The following GRK1 variants were observed in gnomAD, a reference collection of about 807,000 sequenced individuals.
GRK1 encodes the protein G protein-coupled receptor kinase 1, also known as rhodopsin kinase GRK1.
Under a neutral mutation model 41.7 loss-of-function variants are expected in GRK1, and 28 were observed. The observed-to-expected ratio is 0.67, with a 90% CI of 0.50 to 0.92. GRK1 has a LOEUF of 0.92. Ranked by LOEUF, GRK1 falls within the 40% of genes least tolerant of loss-of-function variation. The pLI is 0.00. For missense variants in GRK1, 703 were observed against 671.2 expected, an observed-to-expected ratio of 1.05 and a Z score of -0.52; for synonymous variants, 327 against 286.7, an observed-to-expected ratio of 1.14 and a Z score of -1.42.
At chr13:113,653,120 C>G in the GRK1 span, 1 of 1,572,162 alleles carries the variant, frequency 6.4e-7, no homozygotes, top group Non-Finnish European at 8.6e-7. Flanking sequence ...GGCCCTGACG[C>G]CTGGCTGCCC....
chr13:113,669,685 AG>A lies in GRK1; in HGVS notation c.701del. 1 of 1,613,874 alleles carries A rather than the reference AG, an allele frequency of 6.2e-7. No individual in the cohort carries two copies. The highest frequency in any genetic ancestry group is 8.5e-7 in the Non-Finnish European group (1 of 1,179,782). On this transcript the variant is annotated splice_acceptor_variant, in intron 1 of 6. Coordinates refer to ENST00000335678, the MANE Select transcript of GRK1 (RefSeq NM_002929.3). LOFTEE classifies it high-confidence loss of function. ...GTGCGTACTCAGCGTCTCACTTTTC[AG>A]GGTGCTATGGTGGAGAAGAAGATTC...
chr13:113,669,657 C>A (rs749684109), intron 1 of GRK1, 30 bp from the exon 2 acceptor site: 1 of 1,613,400 alleles, frequency 6.2e-7, no homozygotes, highest in Non-Finnish European at 8.5e-7. Flanking sequence ...CTATTCAAAG[C>A]CAGTGCGTAC....
rs536510107 is a variant in GRK1 at position 113,735,587 on chromosome 13, C to T, written c.*224C>T. On this transcript the variant is annotated 3_prime_UTR_variant, in exon 7 of 7. Transcript: ENST00000335678. The stretch of plus-strand genomic sequence containing the variant: ...GCCGTGAGCCCCCGACTGCATATTT[C>T]ACGTCTTTTGCTCCATCTCACTGAG... 7.6e-5 allele frequency: 36 copies of T among 476,762 alleles called. 1 individual carries two copies. The South Asian group carries it at 1.4e-3, about 19-fold the overall frequency. 29.5% of individuals were successfully genotyped at this position (476,762 alleles called of 1,614,324 possible). A position where few individuals can be genotyped will look rare whatever the true frequency, so the allele number is the denominator to read the frequency against.
Position 113,671,791 on chromosome 13 carries a change from C to T in GRK1, c.985+135C>T, listed in dbSNP as rs1326662406. 16 of 660,764 alleles carry T rather than the reference C, an allele frequency of 2.4e-5. No homozygotes were observed. Among genetic ancestry groups the T allele is most frequent in the Admixed American group, 1.3e-4 (6 of 47,626 alleles). The allele number at this position is 660,764 out of a possible 1,614,324, so 40.9% of individuals were successfully genotyped here. On this transcript the variant is annotated intron_variant, in intron 3 of 6. Transcript: ENST00000335678. The surrounding 1 kb of genome is among the most constrained non-coding windows in gnomAD (Gnocchi z 4.1). The stretch of plus-strand genomic sequence containing the variant: ...GGGGGTTCATGAGGGCTGACGGCTT[C>T]GTGGACGGTGGAGGTGTCATCGGGC...
rs573039386 is a variant in GRK1, at chr13:113,731,807, G to A, written c.1194+464G>A. Among the ~76,000 whole-genome samples, 24 of 152,174 alleles carry A rather than the reference G, an allele frequency of 1.6e-4. No homozygotes were observed. The highest frequency in any genetic ancestry group is 2.6e-4 in the Non-Finnish European group (18 of 68,014). ...CGAGGCTGAGGCTGGGGCTCTGGGG[G>A]ACACGGAGTCGGCTCCCCCTCCCTG... On this transcript the variant is annotated intron_variant, in intron 5 of 6. Transcript: ENST00000335678. This position sits in a 1 kb window ranked among gnomAD's most constrained non-coding sequence, Gnocchi z 5.6.
chr13:113,661,247 A>T, the GRK1 span, among the ~76,000 whole-genome samples: 4 of 152,216 alleles, frequency 2.6e-5, no homozygotes, highest in African/African-American at 9.6e-5. Flanking sequence ...TCTAATACTC[A>T]TGAGTCAAAA....
intron 4 of GRK1, among the ~76,000 whole-genome samples, chr13:113,728,181 G>T (rs1268798047): frequency 8.1e-5 from 9 of 111,076 alleles, no homozygotes; most frequent in Admixed American, 1.7e-4. Context: ...CCCATGGCGA[G>T]GAGTACCCAT....
chr13:113,668,162 A>G, intron 1 of GRK1, 77 bp downstream of exon 1: 1 of 1,446,272 alleles, frequency 6.9e-7, no homozygotes, highest in Non-Finnish European at 9.3e-7. Context: ...GAGGGCCCCC[A>G]GGTCACTGTC....
the GRK1 span, chr13:113,654,890 G>C: frequency 1.9e-6 from 3 of 1,614,240 alleles, no homozygotes; most frequent in Non-Finnish European, 1.7e-6. Flanking sequence ...GGCACAGGGC[G>C]AAGAGCCCAG....
At position 113,736,443 on chromosome 13, in the gene GRK1, A is replaced by G. The variant is rs2050005486; in HGVS notation, c.*1080A>G. Reference sequence around the variant, plus strand: ...TACAGCTCGGCCCCACCCACAATGCACCTGGCATTTCCAACTGCACTTTGA... The same window carrying G: ...TACAGCTCGGCCCCACCCACAATGCGCCTGGCATTTCCAACTGCACTTTGA... On this transcript the variant is annotated 3_prime_UTR_variant, in exon 7 of 7. Coordinates refer to ENST00000335678, the MANE Select transcript of GRK1 (RefSeq NM_002929.3). 1 of 152,316 alleles carries G rather than the reference A, an allele frequency of 6.6e-6. No homozygotes were observed. Among genetic ancestry groups the G allele is most frequent in the African/African-American group, 2.4e-5 (1 of 41,454 alleles). The allele number at this position is 152,316 out of a possible 1,614,324, so 9.4% of individuals were successfully genotyped here. A position where few individuals can be genotyped will look rare whatever the true frequency, so the allele number is the denominator to read the frequency against.
At position 113,733,862 on chromosome 13, in the gene GRK1, C is replaced by CGT. The variant is rs1555361230; in HGVS notation, c.1396+783_1396+784dup. On this transcript the variant is annotated intron_variant, in intron 6 of 6. Coordinates refer to ENST00000335678, the MANE Select transcript of GRK1 (RefSeq NM_002929.3). ...GCGTGTGCATGTGTATGTGTGCATA[C>CGT]GTGTGTGCGTGTGTGCATACGTGTG... is the stretch of plus-strand genomic sequence containing the variant. Among the ~76,000 whole-genome samples, 6 of 104,222 alleles carry CGT rather than the reference C, an allele frequency of 5.8e-5. No homozygotes were observed. The East Asian group carries it at 1.2e-3, about 21-fold the overall frequency. The allele number at this position is 104,222 out of a possible 152,430, so 68.4% of individuals were successfully genotyped here. A position where few individuals can be genotyped will look rare whatever the true frequency, so the allele number is the denominator to read the frequency against.
At chr13:113,733,991 TAC>T (rs1345898307) in intron 6 of GRK1, among the ~76,000 whole-genome samples, 2 of 140,298 alleles carry the variant, frequency 1.4e-5, no homozygotes, top group African/African-American at 5.7e-5. Flanking sequence ...TGTGTGTGCA[TAC>T]ATGTGTGTGC....
the GRK1 span, chr13:113,654,720 T>C: frequency 1.8e-3 from 2,682 of 1,492,744 alleles, 38 homozygotes; most frequent in African/African-American, 0.034. Flanking sequence ...GCTTCATTTC[T>C]GGGGAGGGCA....
At chr13:113,670,669 T>C (rs12560780) in intron 2 of GRK1, among the ~76,000 whole-genome samples, 1,031 of 45,018 alleles carry the variant, frequency 0.023, 23 homozygotes, top group East Asian at 0.08. Context: ...CACAGGGGTG[T>C]CCAGGCGGAG....
rs778059246 is a variant in GRK1 at position 113,669,801 on chromosome 13, G to A, written c.814G>A (p.Gly272Arg). 11 of 1,613,810 alleles carry A rather than the reference G, an allele frequency of 6.8e-6. No individual in the cohort carries two copies. Among genetic ancestry groups the A allele is most frequent in the South Asian group, 4.4e-5 (4 of 91,088 alleles). The stretch of plus-strand genomic sequence containing the variant: ...CTGTCTGGTGATGACCATCATGAAC[G>A]GAGGTGACATCAGGTAAGGGCTGGG... ...DLCLVMTIMN[G>R]GDIRYHIYNV... is the part of the protein sequence containing the mutation. Residue 272 changes from glycine to arginine, a missense_variant, in exon 2 of 7, where the codon GGA becomes AGA. By Grantham distance (125) the Gly-to-Arg change is moderately radical (BLOSUM62 -2). Transcript: ENST00000335678.
chr13:113,734,795 G>A (rs1009208106), intron 6 of GRK1: 34 of 347,234 alleles, frequency 9.8e-5, no homozygotes, highest in African/African-American at 5.3e-4. Context: ...AGATGTGAGC[G>A]CCAGGTCCTT....
intron 6 of GRK1, among the ~76,000 whole-genome samples, chr13:113,733,706 T>C (rs879440223): frequency 0.13 from 15,440 of 120,496 alleles, 1,269 homozygotes; most frequent in Middle Eastern, 0.18. Flanking sequence ...CATGTGTGCG[T>C]GTGTGCGCAC....
chr13:113,650,824 A>G, the GRK1 span, among the ~76,000 whole-genome samples: 2 of 152,140 alleles, frequency 1.3e-5, no homozygotes, highest in African/African-American at 2.4e-5. This position sits in a 1 kb window ranked among gnomAD's most constrained non-coding sequence, Gnocchi z 5.0. Flanking sequence ...GCCACTGCTC[A>G]GTGGCAAGGG....
intron 6 of GRK1, among the ~76,000 whole-genome samples, chr13:113,733,312 C>T (rs2049951319): frequency 6.6e-6 from 1 of 152,222 alleles, no homozygotes; most frequent in Non-Finnish European, 1.5e-5. Flanking sequence ...CAATGGGAGG[C>T]AGGAAACACA....
Sources: gnomAD v4.1 joint callset for allele counts (sites outside exome capture counted in the v4.1 genomes callset) on GRCh38, gnomAD v4.1.1 for gene constraint, Gnocchi (gnomAD v3.1) non-coding constraint, MANE v1.5 for transcripts, NCBI Gene and HGNC (gene_info 2026-07-23, HGNC 2026-07-21) for gene names.